IL17RA: variants seen among roughly 807,000 people sequenced by gnomAD.
IL17RA encodes interleukin 17 receptor A.
Under a neutral mutation model 50.4 loss-of-function variants are expected in IL17RA, and 34 were observed. The observed-to-expected ratio is 0.67, with a 90% CI of 0.51 to 0.90. IL17RA has a LOEUF of 0.90. Ranked by LOEUF, IL17RA falls within the 40% of genes least tolerant of loss-of-function variation. The pLI is 0.00. For missense variants in IL17RA, 1,276 were observed against 1,169.8 expected, an observed-to-expected ratio of 1.09 and a Z score of -1.32; for synonymous variants, 585 against 510.4, an observed-to-expected ratio of 1.15 and a Z score of -1.97.
chr22:17,105,514 A>G, intron 9 of IL17RA, 77 bp from the exon 10 acceptor site: 2 of 1,415,166 alleles, frequency 1.4e-6, no homozygotes, highest in Non-Finnish European at 2.0e-6. Flanking sequence ...CCCTCAAGGG[A>G]CGTCAGTTGT....
rs769605444 is a variant in IL17RA at position 17,100,355 on chromosome 22, T to C, written c.424T>C (p.Trp142Arg). 3 of 1,614,150 alleles carry C rather than the reference T, an allele frequency of 1.9e-6. No homozygotes were observed. The highest frequency in any genetic ancestry group is 2.2e-5 in the South Asian group (2 of 91,080). ...CCTTCCCTTCCTCCCTTCTCTTCAGTGGCGTTTTACCTTCAGCCACTTTGT... is the reference window on the plus strand; with the variant it reads ...CCTTCCCTTCCTCCCTTCTCTTCAGCGGCGTTTTACCTTCAGCCACTTTGT... ...LSKLRHHHRR[W>R]RFTFSHFVVD... Residue 142 changes from tryptophan to arginine, a missense_variant and splice_region_variant, in exon 5 of 13, where the codon TGG becomes CGG. Coordinates refer to ENST00000319363, the MANE Select transcript of IL17RA (RefSeq NM_014339.7).
Position 17,097,921 on chromosome 22 carries a change from C to A in IL17RA, c.288C>A (p.Ile96=). The A allele has an allele frequency of 7.4e-6, 12 of 1,614,110 alleles. No individual in the cohort carries two copies. Among genetic ancestry groups the A allele is most frequent in the Non-Finnish European group, 1.0e-5 (12 of 1,180,044 alleles). The stretch of plus-strand genomic sequence containing the variant: ...GAGACCTGTTCCCCGTGGCTCACAT[C>A]GAATGGACACTGCAGACAGACGGTG... ...QQGDLFPVAH[I]EWTLQTDASI... The change falls in exon 3 of 13, where the codon ATC becomes ATA. Residue 96 remains isoleucine (I), a synonymous_variant. Coordinates refer to ENST00000319363, the MANE Select transcript of IL17RA (RefSeq NM_014339.7).
At chr22:17,101,692 A>C (rs780162618) in intron 5 of IL17RA, among the ~76,000 whole-genome samples, 9 of 152,338 alleles carry the variant, frequency 5.9e-5, no homozygotes, top group Non-Finnish European at 1.3e-4. Flanking sequence ...AGACAGGGGC[A>C]GCCGGGGACA....
At chr22:17,087,048 G>A (rs1238163976) in intron 1 of IL17RA, among the ~76,000 whole-genome samples, 5 of 152,150 alleles carry the variant, frequency 3.3e-5, no homozygotes, top group East Asian at 1.9e-4. Context: ...GCAGTCTCTC[G>A]TTCTCTTCCT....
rs2061413136 is a variant in IL17RA at position 17,105,906 on chromosome 22, G to T, written c.997G>T (p.Val333Leu). Residue 333 changes from valine (V) to leucine (L), a missense_variant, in exon 11 of 13, where the codon GTG becomes TTG. Val to Leu is a conservative substitution (Grantham distance 32). Coordinates refer to ENST00000319363, the MANE Select transcript of IL17RA (RefSeq NM_014339.7). ...WFITGISILL[V>L]GSVILLIVCM... ...CATCACGGGCATCTCCATCCTGCTG[G>T]TGGGCTCCGTCATCCTGCTCATCGT... is the stretch of plus-strand genomic sequence containing the variant. The T allele has an allele frequency of 4.3e-6, 7 of 1,614,084 alleles. No homozygotes were observed. Among genetic ancestry groups the T allele is most frequent in the Non-Finnish European group, 5.9e-6 (7 of 1,180,042 alleles).
intron 7 of IL17RA, 33 bp from the exon 8 acceptor site, chr22:17,103,461 A>G (rs1462574456): frequency 6.3e-7 from 1 of 1,594,676 alleles, no homozygotes; most frequent in Non-Finnish European, 8.6e-7. Flanking sequence ...ACCCATCCCA[A>G]CTAGCCTTAC....
chr22:17,103,661 TGAA>T (rs761880370), intron 8 of IL17RA, 84 bp downstream of exon 8: 5 of 1,078,228 alleles, frequency 4.6e-6, no homozygotes, highest in Non-Finnish European at 5.5e-6. Context: ...TGTGCACAGG[TGAA>T]GAGTGGTGTG....
At chr22:17,108,190 CAGCTT>C (rs751393299) in intron 12 of IL17RA, 112 bp from the exon 13 acceptor site, 7 of 1,064,118 alleles carry the variant, frequency 6.6e-6, no homozygotes, top group Non-Finnish European at 9.7e-6. Flanking sequence ...TTGGGTTTCT[CAGCTT>C]AGGGAGGGAG....
intron 1 of IL17RA, among the ~76,000 whole-genome samples, chr22:17,094,656 A>ACTCTCTCTCTCTCTCT (rs1207841287): frequency 6.8e-5 from 2 of 29,276 alleles, no homozygotes; most frequent in Non-Finnish European, 5.7e-5. Flanking sequence ...TCATACACAC[A>ACTCTCTCTCTCTCTCT]CTCTCTCTCT....
Position 17,109,909 on chromosome 22 carries a change from T to G in IL17RA, c.*89T>G. 1 of 1,181,496 alleles carries G rather than the reference T, an allele frequency of 8.5e-7. No homozygotes were observed. The highest frequency in any genetic ancestry group is 1.2e-6 in the Non-Finnish European group (1 of 836,308). The allele number at this position is 1,181,496 out of a possible 1,614,324, so 73.2% of individuals were successfully genotyped here. On this transcript the variant is annotated 3_prime_UTR_variant, in exon 13 of 13. Coordinates refer to ENST00000319363, the MANE Select transcript of IL17RA (RefSeq NM_014339.7). The stretch of plus-strand genomic sequence containing the variant: ...ATCTGTGTGTACATGTCTGCATGTG[T>G]ATATGTTCGTGTGTGAAATGTAGGC...
At chr22:17,098,671 T>C (rs2061377808) in intron 3 of IL17RA, 104 bp from the exon 4 acceptor site, 10 of 863,534 alleles carry the variant, frequency 1.2e-5, no homozygotes, top group Non-Finnish European at 1.9e-5. Context: ...GACGGCAGAT[T>C]TTCTTTTAGG....
rs1198303952 is a variant in IL17RA, at chr22:17,085,022, A to G, written c.-70A>G. Reference sequence around the variant, plus strand: ...GCCGACTCGAACTCCACCGCGGAAAAGAAAGCCTCAGAACGTTCGTTCGCT... The same window carrying G: ...GCCGACTCGAACTCCACCGCGGAAAGGAAAGCCTCAGAACGTTCGTTCGCT... On this transcript the variant is annotated 5_prime_UTR_variant, in exon 1 of 13. Coordinates refer to ENST00000319363, the MANE Select transcript of IL17RA (RefSeq NM_014339.7). The G allele has an allele frequency of 3.9e-6, 5 of 1,273,446 alleles. No homozygotes were observed. The East Asian group carries it at 1.6e-4, about 40-fold the overall frequency. The allele number at this position is 1,273,446 out of a possible 1,614,324, so 78.9% of individuals were successfully genotyped here. A position where few individuals can be genotyped will look rare whatever the true frequency, so the allele number is the denominator to read the frequency against.
At chr22:17,102,440 T>C in intron 7 of IL17RA, 138 bp downstream of exon 7, 4 of 939,964 alleles carry the variant, frequency 4.3e-6, no homozygotes, top group Non-Finnish European at 6.9e-6. Context: ...ATAGTGATCA[T>C]GGCGCCTTGC....
In IL17RA at chr22:17,112,075, T is replaced by G. The variant is rs1312653828; in HGVS notation, c.*2255T>G. ...GTCTGGACACCTACCATGCATTCTG[T>G]GACCTTTCCCTAGCTTCCAATAAAT... is the stretch of plus-strand genomic sequence containing the variant. On this transcript the variant is annotated 3_prime_UTR_variant, in exon 13 of 13. Transcript: ENST00000319363. The G allele has an allele frequency of 6.6e-6, 1 of 152,230 alleles. No individual in the cohort carries two copies. Among genetic ancestry groups the G allele is most frequent in the African/African-American group, 2.4e-5 (1 of 41,428 alleles). 9.4% of individuals were successfully genotyped at this position (152,230 alleles called of 1,614,324 possible).
chr22:17,085,277 G>A, intron 1 of IL17RA, 48 bp downstream of exon 1: 1 of 1,532,808 alleles, frequency 6.5e-7, no homozygotes. Flanking sequence ...CTGCGGACGC[G>A]GGGCAAGGTC....
In IL17RA at chr22:17,115,397, A is replaced by T. The variant is rs1386527536; in HGVS notation, c.*5577A>T. ...GTTTTATAAATAATGACATAGTTCCAGTTGATGGCCAAAGCCACAGCTAAC... is the reference window on the plus strand; with the variant it reads ...GTTTTATAAATAATGACATAGTTCCTGTTGATGGCCAAAGCCACAGCTAAC... On this transcript the variant is annotated 3_prime_UTR_variant, in exon 13 of 13. Transcript: ENST00000319363. The T allele has an allele frequency of 6.6e-6, 1 of 152,262 alleles. No individual in the cohort carries two copies. Among genetic ancestry groups the T allele is most frequent in the Non-Finnish European group, 1.5e-5 (1 of 68,044 alleles). 9.4% of individuals were successfully genotyped at this position (152,262 alleles called of 1,614,324 possible). A position where few individuals can be genotyped will look rare whatever the true frequency, so the allele number is the denominator to read the frequency against.
chr22:17,102,675 C>T (rs2061396151), intron 7 of IL17RA, among the ~76,000 whole-genome samples: 1 of 152,128 alleles, frequency 6.6e-6, no homozygotes. Context: ...GGTGCAGTGG[C>T]TCCCACCTGT....
At chr22:17,091,101 G>A (rs1286738065) in intron 1 of IL17RA, among the ~76,000 whole-genome samples, 2 of 152,178 alleles carry the variant, frequency 1.3e-5, no homozygotes, top group African/African-American at 2.4e-5. Context: ...AATCTCCCAT[G>A]TCCTGGATCC....
intron 1 of IL17RA, among the ~76,000 whole-genome samples, chr22:17,095,930 C>G (rs2123796194): frequency 6.6e-6 from 1 of 152,188 alleles, no homozygotes; most frequent in Admixed American, 6.5e-5. Context: ...GTAAATGAAC[C>G]CTGGTGGCAC....
Sources: gnomAD v4.1 joint callset for allele counts (sites outside exome capture counted in the v4.1 genomes callset) on GRCh38, gnomAD v4.1.1 for gene constraint, MANE v1.5 for transcripts, NCBI Gene and HGNC (gene_info 2026-07-23, HGNC 2026-07-21) for gene names.